The following JAK2 variants were observed in gnomAD, a reference collection of about 807,000 sequenced individuals.
JAK2 encodes the protein tyrosine-protein kinase JAK2.
A neutral mutation model predicts 139.3 loss-of-function variants in JAK2; 86 were observed. The observed-to-expected ratio is 0.62, with a 90% CI of 0.52 to 0.74. JAK2 has a LOEUF of 0.74. Among genes scored for constraint, JAK2 ranks in the 30% least tolerant of loss-of-function variants. The probability of loss-of-function intolerance (pLI) is 0.00; values close to 1 mark genes in which losing one functional copy is unlikely to be tolerated. For synonymous variants in JAK2, 490 were observed against 437.7 expected, an observed-to-expected ratio of 1.12 and a Z score of -1.49; for missense variants, 1,421 against 1,360.3, an observed-to-expected ratio of 1.04 and a Z score of -0.70.
intron 8 of JAK2, among the ~76,000 whole-genome samples, chr9:5,063,342 T>C (rs749144396): frequency 6.6e-6 from 1 of 152,232 alleles, no homozygotes; most frequent in African/African-American, 2.4e-5. Flanking sequence ...CTGTCATATA[T>C]GATAGCATTT....
intron 16 of JAK2, 22 bp from the exon 17 acceptor site, chr9:5,080,207 C>T: frequency 1.3e-6 from 2 of 1,579,944 alleles, no homozygotes; most frequent in South Asian, 2.3e-5. Flanking sequence ...TTTAACCCTA[C>T]TCTGTTCGTA....
intron 19 of JAK2, among the ~76,000 whole-genome samples, chr9:5,088,168 CAG>C (rs141943409): frequency 6.6e-6 from 1 of 152,142 alleles, no homozygotes; most frequent in African/African-American, 2.4e-5. Context: ...TCCGCGGTCA[CAG>C]AGAGAGCAAG....
At chr9:5,065,069 T>A (rs1002575345) in intron 9 of JAK2, 29 bp downstream of exon 9, 36 of 1,432,214 alleles carry the variant, frequency 2.5e-5, no homozygotes, top group Non-Finnish European at 3.2e-5. Flanking sequence ...AAAGTAAATT[T>A]TTAGAAAAGT....
chr9:5,073,585 T>C, intron 13 of JAK2, 113 bp from the exon 14 acceptor site: 2 of 789,054 alleles, frequency 2.5e-6, no homozygotes, highest in South Asian at 3.1e-5. Context: ...TCCTCATCTA[T>C]AGTCATGCTG....
At chr9:5,075,423 A>T (rs896790704) in intron 14 of JAK2, among the ~76,000 whole-genome samples, 9 of 152,210 alleles carry the variant, frequency 5.9e-5, no homozygotes, top group African/African-American at 1.7e-4. Context: ...GCTAAGGGCC[A>T]ATGCCATTGG....
At chr9:5,088,739 A>C (rs948378184) in intron 19 of JAK2, among the ~76,000 whole-genome samples, 1 of 152,214 alleles carries the variant, frequency 6.6e-6, no homozygotes, top group Non-Finnish European at 1.5e-5. Flanking sequence ...CTTGGCTTGC[A>C]GATGGCCATC....
chr9:4,995,154 A>C (rs1019107602), intron 2 of JAK2, among the ~76,000 whole-genome samples: 1 of 152,154 alleles, frequency 6.6e-6, no homozygotes, highest in African/African-American at 2.4e-5. Context: ...TATAATTTTA[A>C]TTTGCTTTTT....
intron 4 of JAK2, among the ~76,000 whole-genome samples, chr9:5,043,808 A>G (rs1192312537): frequency 1.3e-5 from 2 of 152,254 alleles, no homozygotes; most frequent in African/African-American, 4.8e-5. Flanking sequence ...ATGTGGATGA[A>G]CCTTGAAAAC....
At chr9:5,028,820 G>A (rs1458690607) in intron 3 of JAK2, among the ~76,000 whole-genome samples, 1 of 152,146 alleles carries the variant, frequency 6.6e-6, no homozygotes. Flanking sequence ...TCACAGGTTT[G>A]AAGACAATTA....
chr9:5,091,016 C>A, intron 22 of JAK2, 105 bp downstream of exon 22: 1 of 850,460 alleles, frequency 1.2e-6, no homozygotes, highest in Non-Finnish European at 1.8e-6. Context: ...TAACAGTGAA[C>A]ATTTAAGTCT....
chr9:5,112,076 TA>T, intron 22 of JAK2: 1 of 386,594 alleles, frequency 2.6e-6, no homozygotes, highest in Non-Finnish European at 5.2e-6. Context: ...GCCTGGAGAG[TA>T]AGATAGAAGA....
Position 5,090,810 on chromosome 9 carries a change from C to A in JAK2, c.2958C>A (p.Asn986Lys), listed in dbSNP as rs55873896. 3 of 1,613,174 alleles carry A rather than the reference C, an allele frequency of 1.9e-6. No homozygotes were observed. The highest frequency in any genetic ancestry group is 2.5e-6 in the Non-Finnish European group (3 of 1,179,480). ...DLATRNILVE[N>K]ENRVKIGDFG... ...CAACGAGAAATATATTGGTGGAGAA[C>A]GAGAACAGAGTTAAAATTGGAGATT... is the stretch of plus-strand genomic sequence containing the variant. The change falls in exon 22 of 25, where the codon AAC (asparagine) becomes AAA (lysine). Residue 986 changes from asparagine (N) to lysine (K), a missense_variant. Asn to Lys is a moderately conservative substitution (Grantham distance 94). Transcript: ENST00000381652.
In JAK2 at chr9:5,029,875, T is replaced by C; in HGVS notation, c.319T>C (p.Ser107Pro). The C allele has an allele frequency of 6.2e-7, 1 of 1,612,410 alleles. No individual in the cohort carries two copies. Among genetic ancestry groups the C allele is most frequent in the Non-Finnish European group, 8.5e-7 (1 of 1,179,068 alleles). ...PPNHVFHIDE[S>P]TRHNVLYRIR... ...CAACCATGTCTTCCATATAGATGAG[T>C]CAACCAGGCATAATGTACTCTACAG... The change falls in exon 4 of 25, where the codon TCA becomes CCA. Residue 107 changes from serine to proline, a missense_variant. Physicochemically the swap from Ser to Pro is moderately conservative, Grantham distance 74. Coordinates refer to ENST00000381652, the MANE Select transcript of JAK2 (RefSeq NM_004972.4).
At chr9:5,090,935 A>G (rs763283145) in intron 22 of JAK2, 24 bp downstream of exon 22, 3 of 1,477,074 alleles carry the variant, frequency 2.0e-6, no homozygotes, top group Non-Finnish European at 2.7e-6. Context: ...AGTATGATAA[A>G]TGAAATTTTA....
chr9:5,015,586 G>A (rs374929848), intron 2 of JAK2, among the ~76,000 whole-genome samples: 132 of 149,682 alleles, frequency 8.8e-4, no homozygotes, highest in African/African-American at 3.1e-3. Flanking sequence ...TCAGGTTGGA[G>A]TGCAGTGGCA....
At chr9:5,047,883 G>A (rs1301407983) in intron 5 of JAK2, among the ~76,000 whole-genome samples, 2 of 152,010 alleles carry the variant, frequency 1.3e-5, no homozygotes, top group East Asian at 3.9e-4. Context: ...GTACGAGTGT[G>A]AGCCACCACA....
intron 16 of JAK2, among the ~76,000 whole-genome samples, chr9:5,079,332 T>C (rs1258959555): frequency 2.0e-5 from 3 of 152,238 alleles, no homozygotes; most frequent in Non-Finnish European, 4.4e-5. Context: ...TTATATTGCT[T>C]CTTCCTTTCT....
At chr9:5,104,711 CG>C (rs1384230288) in intron 22 of JAK2, among the ~76,000 whole-genome samples, 4 of 152,174 alleles carry the variant, frequency 2.6e-5, no homozygotes, top group Non-Finnish European at 5.9e-5. Flanking sequence ...TTATCAACCA[CG>C]ATCAAGTCGG....
chr9:5,108,467 T>G (rs1822156246), intron 22 of JAK2: 1 of 152,172 alleles, frequency 6.6e-6, no homozygotes, highest in Non-Finnish European at 1.5e-5. Context: ...TGATATTTAC[T>G]GACCAAGAAC....
Sources: gnomAD v4.1 joint callset for allele counts (sites outside exome capture counted in the v4.1 genomes callset) on GRCh38, gnomAD v4.1.1 for gene constraint, MANE v1.5 for transcripts, NCBI Gene and HGNC (gene_info 2026-07-23, HGNC 2026-07-21) for gene names.